The following TIAM1 variants were observed in gnomAD, a reference collection of about 807,000 sequenced individuals.
The protein encoded by TIAM1 is rho guanine nucleotide exchange factor TIAM1.
A neutral mutation model predicts 163.5 loss-of-function variants in TIAM1; 65 were observed. That is an observed-to-expected ratio of 0.40 (90% CI 0.33 to 0.49). The LOEUF (loss-of-function observed/expected upper bound fraction) is 0.49, where lower values mean the gene tolerates loss of function less well. TIAM1 is among the 20% of genes least tolerant of loss of function. The pLI is 0.77. For missense variants in TIAM1, 1,789 were observed against 2,044.7 expected (o/e 0.87, Z 2.41); for synonymous variants, 833 against 810.1 (o/e 1.03, Z -0.48).
chr21:31,517,834 C>G (rs1184977973), intron 1 of TIAM1, among the ~76,000 whole-genome samples: 1 of 152,172 alleles, frequency 6.6e-6, no homozygotes, highest in African/African-American at 2.4e-5. Flanking sequence ...CAAGAGAAAT[C>G]TGTACAAACA....
intron 2 of TIAM1, among the ~76,000 whole-genome samples, chr21:31,451,723 G>GCA (rs1262383941): frequency 1.4e-3 from 51 of 36,408 alleles, no homozygotes; most frequent in Non-Finnish European, 2.5e-3. Flanking sequence ...GTGTGCGTGT[G>GCA]TGTGTGTGTG....
intron 2 of TIAM1, among the ~76,000 whole-genome samples, chr21:31,461,063 T>G (rs1016537078): frequency 6.6e-6 from 1 of 152,052 alleles, no homozygotes; most frequent in Admixed American, 6.6e-5. Context: ...TAGCATGAAA[T>G]AGTCAATTAA....
chr21:31,179,835 A>T (rs896408390), intron 15 of TIAM1, among the ~76,000 whole-genome samples: 4 of 152,280 alleles, frequency 2.6e-5, no homozygotes, highest in African/African-American at 4.8e-5. Flanking sequence ...ATGCATTTTA[A>T]ACTCTATTAA....
At chr21:31,193,704 A>T (rs1244058328) in intron 13 of TIAM1, among the ~76,000 whole-genome samples, 1 of 152,162 alleles carries the variant, frequency 6.6e-6, no homozygotes, top group East Asian at 1.9e-4. Context: ...AGCAACCCCC[A>T]AATAATTTTT....
intron 2 of TIAM1, among the ~76,000 whole-genome samples, chr21:31,418,680 A>G (rs2043459985): frequency 6.6e-6 from 1 of 152,120 alleles, no homozygotes; most frequent in South Asian, 2.1e-4. Context: ...TAGAGGGGTC[A>G]CCTCAAATGA....
intron 6 of TIAM1, 88 bp downstream of exon 6, chr21:31,245,398 GCA>G (rs2146718931): frequency 2.4e-6 from 1 of 421,880 alleles, no homozygotes; most frequent in Non-Finnish European, 3.5e-6. Context: ...AAAAAAAAAA[GCA>G]GTGGAGGGAG....
chr21:31,275,914 C>A (rs1223496222), intron 3 of TIAM1, among the ~76,000 whole-genome samples: 3 of 152,132 alleles, frequency 2.0e-5, no homozygotes. Flanking sequence ...TAAATTTTCA[C>A]TCCCCTGAGG....
intron 2 of TIAM1, among the ~76,000 whole-genome samples, chr21:31,323,626 T>C (rs2075389008): frequency 2.0e-5 from 3 of 146,484 alleles, no homozygotes; most frequent in South Asian, 4.7e-4. Flanking sequence ...AGGTCAGGAG[T>C]TTGAGACCAG....
intron 2 of TIAM1, among the ~76,000 whole-genome samples, chr21:31,386,740 C>T (rs1038371242): frequency 6.6e-5 from 10 of 152,026 alleles, no homozygotes; most frequent in South Asian, 2.1e-4. Flanking sequence ...AGGGAGGGCA[C>T]GGGTGGAAGG....
At chr21:31,528,062 T>C (rs1215123455) in intron 1 of TIAM1, among the ~76,000 whole-genome samples, 8 of 152,068 alleles carry the variant, frequency 5.3e-5, no homozygotes, top group Non-Finnish European at 1.0e-4. Flanking sequence ...GCGTACAAGA[T>C]TGATGAGACT....
chr21:31,152,987 C>T (rs930484802), intron 18 of TIAM1, 79 bp downstream of exon 18: 33 of 1,382,194 alleles, frequency 2.4e-5, no homozygotes, highest in Non-Finnish European at 3.1e-5. Context: ...CAGTGTTACG[C>T]ATGTCCCCAT....
At chr21:31,359,832 GGAAGGAAGGAAGGAAGGAAGGAAGGA>G (rs1253166693) in intron 2 of TIAM1, among the ~76,000 whole-genome samples, 4 of 135,236 alleles carry the variant, frequency 3.0e-5, no homozygotes, top group Non-Finnish European at 4.8e-5. Flanking sequence ...AAGGAAGGAA[GGAAGGAAGGAAGGAAGGAAGGAAGGA>G]AGGAAGGGAG....
intron 2 of TIAM1, among the ~76,000 whole-genome samples, chr21:31,364,745 A>G (rs1229927247): frequency 6.6e-6 from 1 of 152,144 alleles, no homozygotes; most frequent in African/African-American, 2.4e-5. Flanking sequence ...GGACAGACTG[A>G]GTAAAGAATG....
chr21:31,147,504 C>T (rs1192555947), intron 19 of TIAM1, among the ~76,000 whole-genome samples: 2 of 151,626 alleles, frequency 1.3e-5, no homozygotes, highest in African/African-American at 4.8e-5. Context: ...GGAAGAAACA[C>T]GCTCAACTAT....
chr21:31,277,001 G>C (rs767439334), intron 2 of TIAM1, 93 bp from the exon 3 acceptor site: 1 of 152,190 alleles, frequency 6.6e-6, no homozygotes, highest in African/African-American at 2.4e-5. Flanking sequence ...AACCCATTTC[G>C]TCAATTCCAT....
At position 31,544,803 on chromosome 21, in the gene TIAM1, G is replaced by A. The variant is rs531581049; in HGVS notation, c.-422+14124C>T. ...CCGAGGCAGGTGGATCACAAGGTCAGGAGATCGAGACCATCCTGGCTAACA... is the reference window on the plus strand; with the variant it reads ...CCGAGGCAGGTGGATCACAAGGTCAAGAGATCGAGACCATCCTGGCTAACA... On this transcript the variant is annotated intron_variant, in intron 1 of 28. Transcript: ENST00000286827. 3.9e-5 allele frequency among the ~76,000 whole-genome samples: 6 copies of A among 152,216 alleles called. No homozygotes were observed. The East Asian group carries it at 1.2e-3, about 30-fold the overall frequency.
chr21:31,414,658 A>G (rs938424457), intron 2 of TIAM1, among the ~76,000 whole-genome samples: 12 of 152,350 alleles, frequency 7.9e-5, no homozygotes, highest in Admixed American at 1.3e-4. Context: ...AACCAGAACA[A>G]TATGAGCCTC....
At chr21:31,152,869 T>A in intron 18 of TIAM1, 108 bp from the exon 19 acceptor site, 1 of 1,465,252 alleles carries the variant, frequency 6.8e-7, no homozygotes, top group Non-Finnish European at 9.2e-7. Flanking sequence ...ATTAAGAGAA[T>A]AATCCCACTA....
chr21:31,393,900 T>G (rs1464606074), intron 2 of TIAM1, among the ~76,000 whole-genome samples: 1 of 152,208 alleles, frequency 6.6e-6, no homozygotes, highest in Non-Finnish European at 1.5e-5. Flanking sequence ...AATAGGCTTA[T>G]ACTGATTCTT....
Sources: gnomAD v4.1 joint callset for allele counts (sites outside exome capture counted in the v4.1 genomes callset) on GRCh38, gnomAD v4.1.1 for gene constraint, MANE v1.5 for transcripts, NCBI Gene and HGNC (gene_info 2026-07-23, HGNC 2026-07-21) for gene names.